Variants in KIF2A observed in about 807,000 individuals in gnomAD.
KIF2A encodes kinesin family member 2A.
A neutral mutation model predicts 100.2 loss-of-function variants in KIF2A; 22 were observed. The ratio of observed to expected loss-of-function variants is 0.22; its 90% CI spans 0.16 to 0.31. The LOEUF (loss-of-function observed/expected upper bound fraction) is 0.31. Among genes scored for constraint, KIF2A ranks in the 10% least tolerant of loss-of-function variants. The pLI, the probability that KIF2A is intolerant of heterozygous loss-of-function variation, is 1.00. For missense variants in KIF2A, 495 were observed against 898.7 expected, an observed-to-expected ratio of 0.55 and a Z score of 5.74; for synonymous variants, 268 against 285.9, an observed-to-expected ratio of 0.94 and a Z score of 0.63.
chr5:62,357,530 A>G (rs1331725350), intron 7 of KIF2A, among the ~76,000 whole-genome samples, 161 bp from the exon 8 acceptor site: 1 of 152,196 alleles, frequency 6.6e-6, no homozygotes, highest in Non-Finnish European at 1.5e-5. Flanking sequence ...ATATCTGACA[A>G]CCATTAAAAT....
intron 17 of KIF2A, 22 bp from the exon 18 acceptor site, chr5:62,373,664 AG>A (rs1349705907): frequency 1.9e-6 from 3 of 1,596,642 alleles, no homozygotes; most frequent in Non-Finnish European, 1.7e-6. Flanking sequence ...TTTTAACTTT[AG>A]ATACCTCTTA....
intron 2 of KIF2A, among the ~76,000 whole-genome samples, chr5:62,347,627 C>A (rs977655071): frequency 1.3e-5 from 2 of 148,168 alleles, no homozygotes; most frequent in Non-Finnish European, 3.0e-5. Context: ...GCACTGTATT[C>A]TTTTTTTTTT....
At chr5:62,348,024 A>G (rs1211194621) in intron 2 of KIF2A, 24 bp from the exon 3 acceptor site, 21 of 1,606,246 alleles carry the variant, frequency 1.3e-5, no homozygotes, top group Non-Finnish European at 1.6e-5. Context: ...CTCTCAAAAG[A>G]CTATGTGTAT....
intron 1 of KIF2A, among the ~76,000 whole-genome samples, chr5:62,342,318 G>C (rs1027216369): frequency 2.6e-5 from 4 of 152,100 alleles, no homozygotes; most frequent in Non-Finnish European, 5.9e-5. Flanking sequence ...TGGCTCTCTG[G>C]GGTCCACTCT....
Position 62,347,917 on chromosome 5 carries a change from C to G in KIF2A, c.160-131C>G, listed in dbSNP as rs116241083. 7.5e-4 allele frequency: 715 copies of G among 950,272 alleles called. 6 individuals are homozygous for G. In the African/African-American group the frequency reaches 0.01, roughly 14 times the overall value. 58.9% of individuals were successfully genotyped at this position (950,272 alleles called of 1,614,324 possible). On this transcript the variant is annotated intron_variant, in intron 2 of 20. Transcript: ENST00000407818. ...AAGATTACAGGCATGAGCCACTGCACCCAGCCGAGTTACTGTATTCATTAG... is the reference window on the plus strand; with the variant it reads ...AAGATTACAGGCATGAGCCACTGCAGCCAGCCGAGTTACTGTATTCATTAG...
chr5:62,334,178 C>T (rs1746807661), intron 1 of KIF2A, among the ~76,000 whole-genome samples: 1 of 151,952 alleles, frequency 6.6e-6, no homozygotes, highest in Non-Finnish European at 1.5e-5. Flanking sequence ...CCCCCGGACC[C>T]TGAGGAGACA....
At chr5:62,348,328 G>A (rs1747680700) in intron 3 of KIF2A, among the ~76,000 whole-genome samples, 161 bp downstream of exon 3, 1 of 152,152 alleles carries the variant, frequency 6.6e-6, no homozygotes, top group Non-Finnish European at 1.5e-5. Context: ...TATTTTCAAG[G>A]ATTGAGGTTG....
chr5:62,360,665 G>A (rs1453996522), intron 9 of KIF2A, among the ~76,000 whole-genome samples: 1 of 151,726 alleles, frequency 6.6e-6, no homozygotes, highest in Non-Finnish European at 1.5e-5. Context: ...CAGCCTGGGG[G>A]ACGAGAACGA....
rs189843285 is a variant in KIF2A at position 62,306,832 on chromosome 5, C to T, written c.64+296C>T. The stretch of plus-strand genomic sequence containing the variant: ...CTCTGGGCGAGGGCCGCTCGCTCCT[C>T]CTCCCGCAATCTCCAGCCCCCCCCC... On this transcript the variant is annotated intron_variant, in intron 1 of 20. Transcript: ENST00000407818. 5.8e-3 allele frequency: 2,438 copies of T among 422,440 alleles called. 53 individuals are homozygous for T. The highest frequency in any genetic ancestry group is 0.048 in the African/African-American group (2,247 of 47,102). 26.2% of individuals were successfully genotyped at this position (422,440 alleles called of 1,614,324 possible).
In KIF2A at chr5:62,306,323, C is replaced by G. The variant is rs1745263762; in HGVS notation, c.-150C>G. ...TCCGCCTGCTTCCCCACAGCTGCTCCTTGCGGCCCCGCTTGCGTTCACGCT... is the reference window on the plus strand; with the variant it reads ...TCCGCCTGCTTCCCCACAGCTGCTCGTTGCGGCCCCGCTTGCGTTCACGCT... On this transcript the variant is annotated 5_prime_UTR_variant, in exon 1 of 21. Transcript: ENST00000407818. 4 of 649,708 alleles carry G rather than the reference C, an allele frequency of 6.2e-6. No individual in the cohort carries two copies. The highest frequency in any genetic ancestry group is 4.2e-4 in the Middle Eastern group (1 of 2,402). The allele number at this position is 649,708 out of a possible 1,614,324, so 40.2% of individuals were successfully genotyped here. A position where few individuals can be genotyped will look rare whatever the true frequency, so the allele number is the denominator to read the frequency against.
At chr5:62,318,218 G>T (rs890944761) in intron 1 of KIF2A, among the ~76,000 whole-genome samples, 3 of 152,110 alleles carry the variant, frequency 2.0e-5, no homozygotes, top group South Asian at 2.1e-4. Flanking sequence ...CAGTAGCTGG[G>T]ATTACAGGCA....
intron 1 of KIF2A, among the ~76,000 whole-genome samples, chr5:62,319,156 T>G (rs1745977600): frequency 9.3e-6 from 1 of 107,380 alleles, no homozygotes; most frequent in African/African-American, 3.3e-5. Flanking sequence ...GAGAGTAATT[T>G]GGTTAACAAC....
Position 62,388,946 on chromosome 5 carries a change from C to T in KIF2A, c.*3377C>T, listed in dbSNP as rs1167042682. The T allele has an allele frequency of 1.3e-5, 20 of 1,492,550 alleles. No homozygotes were observed. In the Admixed American group the frequency reaches 2.6e-4, roughly 19 times the overall value. The allele number at this position is 1,492,550 out of a possible 1,614,324, so 92.5% of individuals were successfully genotyped here. A position where few individuals can be genotyped will look rare whatever the true frequency, so the allele number is the denominator to read the frequency against. ...CAGTAAAGCAAAAGCATTATCTTCTCAAATACAAAAAATACAAAATTCATT... is the reference window on the plus strand; with the variant it reads ...CAGTAAAGCAAAAGCATTATCTTCTTAAATACAAAAAATACAAAATTCATT... On this transcript the variant is annotated 3_prime_UTR_variant, in exon 21 of 21. Transcript: ENST00000407818.
At chr5:62,350,168 T>C (rs565195064) in intron 4 of KIF2A, 48 bp downstream of exon 4, 1 of 1,065,338 alleles carries the variant, frequency 9.4e-7, no homozygotes, top group East Asian at 2.7e-5. Flanking sequence ...CTTCTTAGTA[T>C]GTTCCTGACA....
intron 16 of KIF2A, among the ~76,000 whole-genome samples, chr5:62,370,032 G>A (rs1741247920): frequency 6.6e-6 from 1 of 152,162 alleles, no homozygotes; most frequent in Admixed American, 6.5e-5. Flanking sequence ...TAAAAGAAGT[G>A]ATCTGTGTAA....
At chr5:62,346,595 C>G (rs536151803) in intron 1 of KIF2A, among the ~76,000 whole-genome samples, 1 of 152,080 alleles carries the variant, frequency 6.6e-6, no homozygotes, top group African/African-American at 2.4e-5. Flanking sequence ...CTAAAATTAG[C>G]TGGGTGTGGT....
At chr5:62,350,607 C>T (rs1220983508) in intron 4 of KIF2A, among the ~76,000 whole-genome samples, 1 of 151,988 alleles carries the variant, frequency 6.6e-6, no homozygotes, top group African/African-American at 2.4e-5. Flanking sequence ...TACAATATGC[C>T]AGTAATACTG....
At chr5:62,355,013 A>G (rs907923296) in intron 6 of KIF2A, 146 bp from the exon 7 acceptor site, 4 of 510,006 alleles carry the variant, frequency 7.8e-6, no homozygotes, top group African/African-American at 2.0e-5. Flanking sequence ...TGAAACCACA[A>G]CTGTGAAACT....
intron 19 of KIF2A, 68 bp downstream of exon 19, chr5:62,377,830 TA>T: frequency 2.3e-6 from 2 of 873,070 alleles, no homozygotes; most frequent in Non-Finnish European, 3.6e-6. Context: ...CATAATTCCT[TA>T]AATATCACAC....
Sources: allele counts gnomAD v4.1 joint callset (sites outside exome capture counted in the v4.1 genomes callset), GRCh38; gene constraint gnomAD v4.1.1; transcripts MANE v1.5; gene names NCBI Gene and HGNC (gene_info 2026-07-23, HGNC 2026-07-21).